CALN1: variants seen among roughly 807,000 people sequenced by gnomAD.
CALN1 encodes calneuron 1, also known as calcium-binding protein 8.
A neutral mutation model predicts 30.6 loss-of-function variants in CALN1; 17 were observed. That is an observed-to-expected ratio of 0.56 (90% CI 0.38 to 0.83). The LOEUF (loss-of-function observed/expected upper bound fraction) is 0.83, where lower values mean the gene tolerates loss of function less well. Ranked by LOEUF, CALN1 falls within the 40% of genes least tolerant of loss-of-function variation. The probability of loss-of-function intolerance (pLI) is 0.00; values close to 1 mark genes in which losing one functional copy is unlikely to be tolerated. For synonymous variants in CALN1, 156 were observed against 131.4 expected (o/e 1.19, Z -1.28); for missense variants, 291 against 354.9 (o/e 0.82, Z 1.45).
At chr7:72,503,125 G>A in the CALN1 span, among the ~76,000 whole-genome samples, 5 of 151,954 alleles carry the variant, frequency 3.3e-5, no homozygotes, top group South Asian at 2.1e-4. Context: ...CAGCCTGGGC[G>A]ACAGAGTGAG....
At chr7:72,215,391 C>A (rs764239649) in intron 3 of CALN1, among the ~76,000 whole-genome samples, 1 of 151,928 alleles carries the variant, frequency 6.6e-6, no homozygotes, top group Admixed American at 6.6e-5. Context: ...GTCAGGAGTT[C>A]GAGACCAGCC....
chr7:72,278,060 A>G, intron 3 of CALN1, among the ~76,000 whole-genome samples: 1 of 148,980 alleles, frequency 6.7e-6, no homozygotes, highest in East Asian at 2.0e-4. Flanking sequence ...TGGTTTATCC[A>G]AGATACAATG....
At chr7:72,307,947 A>G (rs1049936635) in intron 2 of CALN1, among the ~76,000 whole-genome samples, 1 of 152,120 alleles carries the variant, frequency 6.6e-6, no homozygotes, top group Non-Finnish European at 1.5e-5. Context: ...GTTCACCAGA[A>G]GGACATTTCG....
At chr7:72,376,343 A>G (rs1487372263) in intron 2 of CALN1, among the ~76,000 whole-genome samples, 1 of 152,202 alleles carries the variant, frequency 6.6e-6, no homozygotes, top group Non-Finnish European at 1.5e-5. Context: ...ACATCATTTT[A>G]CAGTACAATG....
chr7:72,237,098 C>T (rs1221519000), intron 3 of CALN1, among the ~76,000 whole-genome samples: 1 of 151,992 alleles, frequency 6.6e-6, no homozygotes, highest in Non-Finnish European at 1.5e-5. Flanking sequence ...AATTGTCCTG[C>T]CTCAGCCTCC....
chr7:72,153,137 C>A (rs1787387087), intron 3 of CALN1, among the ~76,000 whole-genome samples: 2 of 152,164 alleles, frequency 1.3e-5, no homozygotes, highest in Non-Finnish European at 2.9e-5. Flanking sequence ...GCTTAGAGAC[C>A]CAAATTCTGT....
At chr7:71,995,306 T>A (rs1181557318) in intron 5 of CALN1, among the ~76,000 whole-genome samples, 1 of 152,238 alleles carries the variant, frequency 6.6e-6, no homozygotes, top group Non-Finnish European at 1.5e-5. Context: ...TTAGCACAGC[T>A]GCTGTCATTC....
At chr7:72,081,015 G>C (rs1805099977) in intron 4 of CALN1, among the ~76,000 whole-genome samples, 3 of 152,050 alleles carry the variant, frequency 2.0e-5, no homozygotes, top group Admixed American at 2.0e-4. Context: ...TTGCAAATGA[G>C]AACTTTCCGA....
Position 72,135,137 on chromosome 7 carries a change from G to A in CALN1, c.245-28843C>T, listed in dbSNP as rs374403732. Among the ~76,000 whole-genome samples the A allele has an allele frequency of 6.6e-5, 10 of 152,174 alleles. No homozygotes were observed. The South Asian group carries it at 1.7e-3, about 25-fold the overall frequency. Reference sequence around the variant, plus strand: ...TTGCTATTTCCACCACATCTGCAGCGACTTCCTCCACTGAAGTCTTGAACC... The same window carrying A: ...TTGCTATTTCCACCACATCTGCAGCAACTTCCTCCACTGAAGTCTTGAACC... On this transcript the variant is annotated intron_variant, in intron 3 of 6. Transcript: ENST00000395275.
chr7:72,337,875 G>C (rs1471917635), intron 2 of CALN1: 2 of 152,514 alleles, frequency 1.3e-5, no homozygotes, highest in Middle Eastern at 6.8e-3. Flanking sequence ...GAGGGCGCTT[G>C]GGCAGAGGTG....
At chr7:72,202,442 C>A (rs749375118) in intron 3 of CALN1, among the ~76,000 whole-genome samples, 2 of 152,018 alleles carry the variant, frequency 1.3e-5, no homozygotes, top group Non-Finnish European at 2.9e-5. Flanking sequence ...AAATCATGTT[C>A]TATAAAAAGA....
intron 3 of CALN1, among the ~76,000 whole-genome samples, chr7:72,167,634 C>T (rs920571574): frequency 1.3e-5 from 2 of 152,162 alleles, no homozygotes; most frequent in African/African-American, 2.4e-5. Flanking sequence ...CATAAGCCAC[C>T]GTGCGCAGCT....
At chr7:72,348,538 G>C (rs966069833) in intron 2 of CALN1, among the ~76,000 whole-genome samples, 2 of 152,236 alleles carry the variant, frequency 1.3e-5, no homozygotes, top group African/African-American at 4.8e-5. Flanking sequence ...TGTGCATAAA[G>C]AGACAAATCC....
intron 3 of CALN1, among the ~76,000 whole-genome samples, chr7:72,229,938 C>T (rs577002012): frequency 4.1e-4 from 63 of 151,878 alleles, no homozygotes; most frequent in African/African-American, 1.3e-3. Flanking sequence ...GTCAGGAGAT[C>T]GAGACCATCC....
intron 5 of CALN1, among the ~76,000 whole-genome samples, chr7:72,002,447 A>T (rs1359235141): frequency 6.6e-6 from 1 of 152,210 alleles, no homozygotes; most frequent in Non-Finnish European, 1.5e-5. Context: ...TAATTGAAGT[A>T]CAGTTTCTAG....
intron 5 of CALN1, among the ~76,000 whole-genome samples, chr7:71,843,296 T>C (rs1452646379): frequency 2.0e-5 from 3 of 152,126 alleles, no homozygotes; most frequent in Non-Finnish European, 4.4e-5. Flanking sequence ...ACCAGCCAAC[T>C]ACATCAATGC....
At chr7:71,838,338 G>A (rs777551541) in intron 5 of CALN1, among the ~76,000 whole-genome samples, 1 of 152,136 alleles carries the variant, frequency 6.6e-6, no homozygotes, top group Non-Finnish European at 1.5e-5. Context: ...TTTTCTCATG[G>A]ACTATTGTGG....
chr7:72,254,939 TTTTA>T lies in CALN1; in HGVS notation c.244+23743_244+23746del, dbSNP rs1166964634. 3.6e-4 allele frequency among the ~76,000 whole-genome samples: 54 copies of T among 151,900 alleles called. 1 individual carries two copies. Among genetic ancestry groups the T allele is most frequent in the Non-Finnish European group, 2.5e-4 (17 of 67,968 alleles). ...GCACCACCACGCCCAGCTAATTATG[TTTTA>T]TTTATTTATTATTTATTGTTTGTAT... On this transcript the variant is annotated intron_variant, in intron 3 of 6. Transcript: ENST00000395275.
chr7:72,148,949 G>A (rs113039838), intron 3 of CALN1, among the ~76,000 whole-genome samples: 1,752 of 125,538 alleles, frequency 0.014, 28 homozygotes, highest in African/African-American at 0.046. Context: ...AGGAAGGAAG[G>A]AAGGAAAGAA....
Sources: allele counts gnomAD v4.1 joint callset (sites outside exome capture counted in the v4.1 genomes callset), GRCh38; gene constraint gnomAD v4.1.1; transcripts MANE v1.5; gene names NCBI Gene and HGNC (gene_info 2026-07-23, HGNC 2026-07-21).